The following ASB15 variants were observed in gnomAD, a reference collection of about 807,000 sequenced individuals.
The protein encoded by ASB15 is ankyrin repeat and SOCS box containing 15.
ASB15 carries 54 observed loss-of-function variants against 58.0 expected under a neutral mutation model. The ratio of observed to expected loss-of-function variants is 0.93; its 90% CI spans 0.75 to 1.17. The LOEUF (loss-of-function observed/expected upper bound fraction) is 1.17, where lower values mean the gene tolerates loss of function less well. Ranked by LOEUF, ASB15 falls within the 50% of genes most tolerant of loss-of-function variation. The probability of loss-of-function intolerance (pLI) is 0.00; values close to 1 mark genes in which losing one functional copy is unlikely to be tolerated. For missense variants in ASB15, 680 were observed against 707.4 expected, an observed-to-expected ratio of 0.96 and a Z score of 0.44; for synonymous variants, 249 against 262.4, an observed-to-expected ratio of 0.95 and a Z score of 0.50.
upstream of ASB15, among the ~76,000 whole-genome samples, chr7:123,597,917 C>CGTGTGTGTGTGTGT (rs61508655): frequency 1.5e-4 from 20 of 133,072 alleles, no homozygotes; most frequent in Middle Eastern, 7.9e-3. Flanking sequence ...TTTCAAACTT[C>CGTGTGTGTGTGTGT]GTGTGTGTGT....
Position 123,596,642 on chromosome 7 carries a change from TAAAG to T in ASB15, c.-442-7384_-442-7381del, listed in dbSNP as rs1799703296. ...AATAATAGTAATAATAAGGAAAAAATAAAGAAAGAGAAAAAGAAAAATTTGAATT... is the reference window on the plus strand; with the variant it reads ...AATAATAGTAATAATAAGGAAAAAATAAAGAGAAAAAGAAAAATTTGAATT... On this transcript the variant is annotated intron_variant, in intron 1 of 13. Transcript: ENST00000451558. 3.9e-5 allele frequency among the ~76,000 whole-genome samples: 6 copies of T among 151,960 alleles called. No homozygotes were observed. In the South Asian group the frequency reaches 1.2e-3, roughly 32 times the overall value.
intron 7 of ASB15, among the ~76,000 whole-genome samples, chr7:123,622,186 A>G (rs1169608682): frequency 6.6e-6 from 1 of 152,212 alleles, no homozygotes; most frequent in African/African-American, 2.4e-5. Flanking sequence ...TATTGAAGCT[A>G]TACATTTTAA....
At chr7:123,593,774 G>A (rs1018539637) in intron 1 of ASB15, among the ~76,000 whole-genome samples, 3 of 152,002 alleles carry the variant, frequency 2.0e-5, no homozygotes, top group Admixed American at 6.6e-5. Context: ...TGCTCTTCTC[G>A]AGGAATAGCT....
chr7:123,572,729 A>G (rs1798947656), intron 1 of ASB15, among the ~76,000 whole-genome samples: 1 of 149,816 alleles, frequency 6.7e-6, no homozygotes, highest in Admixed American at 6.6e-5. Context: ...TTTCTGCAAC[A>G]TGTTATTTTA....
chr7:123,620,080 C>G (rs1475320808), intron 7 of ASB15: 1 of 152,088 alleles, frequency 6.6e-6, no homozygotes, highest in Admixed American at 6.6e-5. Flanking sequence ...CAAAGTTGCT[C>G]CCAACGTCGC....
chr7:123,572,925 C>G (rs1798954654), intron 1 of ASB15, among the ~76,000 whole-genome samples: 1 of 150,860 alleles, frequency 6.6e-6, no homozygotes. Context: ...TCTTTTTTGT[C>G]TTTTTTTGTC....
At chr7:123,614,413 T>C in intron 3 of ASB15, 88 bp from the exon 4 acceptor site, 1 of 770,372 alleles carries the variant, frequency 1.3e-6, no homozygotes, top group Admixed American at 2.5e-5. Context: ...TTTTAGTTTT[T>C]CACTATGCAT....
At chr7:123,581,775 A>C (rs1799239885) in intron 1 of ASB15, among the ~76,000 whole-genome samples, 1 of 151,958 alleles carries the variant, frequency 6.6e-6, no homozygotes, top group East Asian at 1.9e-4. Context: ...CCAGCTATGA[A>C]TATATCACAT....
At chr7:123,570,547 G>GT (rs1798882681) in intron 1 of ASB15, among the ~76,000 whole-genome samples, 1 of 152,124 alleles carries the variant, frequency 6.6e-6, no homozygotes, top group Non-Finnish European at 1.5e-5. Context: ...AACACACTAA[G>GT]AAACTGGCTT....
intron 2 of ASB15, among the ~76,000 whole-genome samples, chr7:123,607,187 T>C (rs1297981319): frequency 2.0e-5 from 3 of 152,226 alleles, no homozygotes; most frequent in African/African-American, 4.8e-5. Context: ...TTGTCAACTA[T>C]ACTTCAATAA....
intron 11 of ASB15, among the ~76,000 whole-genome samples, chr7:123,632,666 A>G (rs1260711109): frequency 2.0e-5 from 3 of 152,196 alleles, no homozygotes; most frequent in Non-Finnish European, 2.9e-5. Flanking sequence ...CTTAGATAAA[A>G]GGATTTGAAA....
At chr7:123,621,246 G>A (rs1179288720) in intron 7 of ASB15, 1 of 152,200 alleles carries the variant, frequency 6.6e-6, no homozygotes, top group Non-Finnish European at 1.5e-5. Context: ...AGTTGAAATA[G>A]AATTAATATT....
upstream of ASB15, among the ~76,000 whole-genome samples, chr7:123,598,424 T>C (rs1226482377): frequency 6.6e-6 from 1 of 152,190 alleles, no homozygotes; most frequent in East Asian, 1.9e-4. Flanking sequence ...TTCTCTCCTT[T>C]TAATCCAAGT....
intron 1 of ASB15, among the ~76,000 whole-genome samples, chr7:123,568,374 G>T (rs1007847143): frequency 7.9e-5 from 12 of 151,900 alleles, no homozygotes; most frequent in African/African-American, 2.9e-4. Context: ...TACAAAATTA[G>T]CCGGGCATGG....
intron 1 of ASB15, among the ~76,000 whole-genome samples, chr7:123,579,757 T>C (rs1475310259): frequency 6.6e-6 from 1 of 152,098 alleles, no homozygotes; most frequent in Non-Finnish European, 1.5e-5. Context: ...TGCTATAGAA[T>C]GCATTGTGGA....
intron 4 of ASB15, among the ~76,000 whole-genome samples, chr7:123,614,854 TG>T (rs755653656): frequency 3.9e-5 from 6 of 152,186 alleles, no homozygotes; most frequent in African/African-American, 4.8e-5. Context: ...TGAATTTGGT[TG>T]TATAGAATTG....
At chr7:123,593,638 A>G (rs1799610583) in intron 1 of ASB15, among the ~76,000 whole-genome samples, 2 of 152,156 alleles carry the variant, frequency 1.3e-5, no homozygotes, top group Non-Finnish European at 2.9e-5. Flanking sequence ...GTTTCTGCCA[A>G]GAGATCCACT....
chr7:123,614,263 G>T, intron 3 of ASB15: 1 of 380,408 alleles, frequency 2.6e-6, no homozygotes, highest in Non-Finnish European at 4.6e-6. Context: ...TCAAAAGTTA[G>T]AAAGTGCAAA....
chr7:123,639,139 T>C lies in ASB15; in HGVS notation c.*2158T>C, dbSNP rs1802538241. 1 of 152,230 alleles carries C rather than the reference T, an allele frequency of 6.6e-6. No individual in the cohort carries two copies. Among genetic ancestry groups the C allele is most frequent in the Non-Finnish European group, 1.5e-5 (1 of 68,036 alleles). 9.4% of individuals were successfully genotyped at this position (152,230 alleles called of 1,614,324 possible). A position where few individuals can be genotyped will look rare whatever the true frequency, so the allele number is the denominator to read the frequency against. On this transcript the variant is annotated 3_prime_UTR_variant, in exon 12 of 12. Coordinates refer to ENST00000451215, the MANE Select transcript of ASB15 (RefSeq NM_001290258.2). ...ATTTATTTTTACCTTGTTACCGTATTCTTTAAACAGTAATATCTCACTGGT... is the reference window on the plus strand; with the variant it reads ...ATTTATTTTTACCTTGTTACCGTATCCTTTAAACAGTAATATCTCACTGGT...
Sources: allele counts gnomAD v4.1 joint callset (sites outside exome capture counted in the v4.1 genomes callset), GRCh38; gene constraint gnomAD v4.1.1; transcripts MANE v1.5; gene names NCBI Gene and HGNC (gene_info 2026-07-23, HGNC 2026-07-21).